The following NF1 variants were observed in gnomAD, a reference collection of about 807,000 sequenced individuals.
NF1 encodes neurofibromin 1.
NF1 carries 122 observed loss-of-function variants against 325.7 expected under a neutral mutation model. The observed-to-expected ratio is 0.37, with a 90% confidence interval of 0.32 to 0.44. NF1 has a LOEUF of 0.44. NF1 is among the 20% of genes least tolerant of loss of function. The probability of loss-of-function intolerance (pLI) is 1.00; values close to 1 mark genes in which losing one functional copy is unlikely to be tolerated. For missense variants in NF1, 2,140 were observed against 3,415.4 expected, an observed-to-expected ratio of 0.63 and a Z score of 9.31; for synonymous variants, 1,091 against 1,186.0, an observed-to-expected ratio of 0.92 and a Z score of 1.65.
At chr17:31,314,280 A>T (rs1448800485) in intron 36 of NF1, 1 of 308,804 alleles carries the variant, frequency 3.2e-6, no homozygotes, top group African/African-American at 2.1e-5. Flanking sequence ...CTCTAGTAAT[A>T]TGATTATGTA....
intron 3 of NF1, among the ~76,000 whole-genome samples, chr17:31,161,846 GC>G (rs1370651499): frequency 4.6e-5 from 7 of 151,874 alleles, no homozygotes. Context: ...GACCAGCCTG[GC>G]CAACATGGCA....
chr17:31,221,862 C>T lies in NF1; in HGVS notation c.1654C>T (p.Leu552Phe), dbSNP rs2144003836. ...AQEAMEALLV[L>F]HQLDSIDLWN... ...TTAAAAAATTCAGGCTCTGCTGGTT[C>T]TTCATCAGTTAGATAGCATTGATTT... Residue 552 changes from leucine to phenylalanine, a missense_variant, in exon 15 of 58, where the codon CTT (leucine) becomes TTT (phenylalanine). Physicochemically the swap from Leu to Phe is conservative, Grantham distance 22. This residue lies in a region of NF1 where 179 missense variants were observed against 381.0 expected (regional missense o/e 0.47). Transcript: ENST00000358273. The T allele has an allele frequency of 6.2e-7, 1 of 1,605,734 alleles. No homozygotes were observed. Among genetic ancestry groups the T allele is most frequent in the Non-Finnish European group, 8.5e-7 (1 of 1,178,616 alleles).
chr17:31,213,435 T>TGAACTA (rs1376976153), intron 12 of NF1, among the ~76,000 whole-genome samples: 1 of 152,202 alleles, frequency 6.6e-6, no homozygotes, highest in East Asian at 1.9e-4. Context: ...TTCATTTGTG[T>TGAACTA]TGTAGATATG....
intron 17 of NF1, among the ~76,000 whole-genome samples, chr17:31,225,536 A>G (rs1319554110): frequency 6.6e-6 from 1 of 152,144 alleles, no homozygotes; most frequent in Non-Finnish European, 1.5e-5. Flanking sequence ...GCTATATCTG[A>G]TAATTATAAT....
chr17:31,346,819 T>C (rs2069998297), intron 48 of NF1, among the ~76,000 whole-genome samples: 1 of 110,222 alleles, frequency 9.1e-6, no homozygotes, highest in African/African-American at 4.6e-5. Flanking sequence ...AGAATTTGGC[T>C]TTTTTTTTTT....
intron 12 of NF1, among the ~76,000 whole-genome samples, chr17:31,210,863 C>A (rs981195269): frequency 1.1e-4 from 16 of 151,938 alleles, no homozygotes; most frequent in African/African-American, 3.9e-4. Flanking sequence ...GAATGTTGAG[C>A]CATAACTTCT....
At chr17:31,366,669 G>C (rs2070528461) in intron 57 of NF1, among the ~76,000 whole-genome samples, 1 of 152,170 alleles carries the variant, frequency 6.6e-6, no homozygotes, top group African/African-American at 2.4e-5. Context: ...TGGGAGGATT[G>C]CTTGAGCCCA....
intron 29 of NF1, among the ~76,000 whole-genome samples, chr17:31,239,037 C>T (rs1486851510): frequency 1.3e-5 from 2 of 152,164 alleles, no homozygotes; most frequent in African/African-American, 2.4e-5. Flanking sequence ...CAAAACATTA[C>T]AATGCATGCT....
In NF1 at chr17:31,163,368, T is replaced by C; in HGVS notation, c.471T>C (p.Ile157=). Residue 157 remains isoleucine (I), a synonymous_variant, in exon 4 of 58, where the codon ATT becomes ATC. Transcript: ENST00000358273. Reference sequence around the variant, plus strand: ...ACTTCAATGCAGTCTTTAGTCGCATTTCTACCAGGTTAGTGTGTAAATCCA... The same window carrying C: ...ACTTCAATGCAGTCTTTAGTCGCATCTCTACCAGGTTAGTGTGTAAATCCA... ...CNNFNAVFSR[I]STRLQELTVC... is the part of the protein sequence containing the mutation. 1 of 1,614,142 alleles carries C rather than the reference T, an allele frequency of 6.2e-7. No individual in the cohort carries two copies. The highest frequency in any genetic ancestry group is 8.5e-7 in the Non-Finnish European group (1 of 1,179,972).
rs2151583362 is a variant in NF1 at position 31,357,334 on chromosome 17, G to A, written c.7935G>A (p.Glu2645=). Reference sequence around the variant, plus strand: ...GAATTCTTTATGAATACTTAGCAGAGGCCAGTGTTGTGTTTCCCAAAGTCT... The same window carrying A: ...GAATTCTTTATGAATACTTAGCAGAAGCCAGTGTTGTGTTTCCCAAAGTCT... The part of the protein sequence containing the change: ...DQRILYEYLA[E]ASVVFPKVFP... Residue 2645 remains glutamate, a synonymous_variant, in exon 54 of 58, where the codon GAG becomes GAA. Transcript: ENST00000358273. 1 of 1,613,910 alleles carries A rather than the reference G, an allele frequency of 6.2e-7. No homozygotes were observed. Among genetic ancestry groups the A allele is most frequent in the Non-Finnish European group, 8.5e-7 (1 of 1,179,872 alleles).
chr17:31,105,712 C>T (rs1456124559), intron 1 of NF1, among the ~76,000 whole-genome samples: 2 of 152,138 alleles, frequency 1.3e-5, no homozygotes, highest in Non-Finnish European at 2.9e-5. Flanking sequence ...CAGGGTTTCA[C>T]CATGTTGGTC....
intron 14 of NF1, among the ~76,000 whole-genome samples, chr17:31,221,564 C>A (rs543511375): frequency 1.3e-5 from 2 of 152,138 alleles, no homozygotes; most frequent in South Asian, 2.1e-4. Flanking sequence ...TTTCTTAAAG[C>A]AGTTTTTACA....
intron 17 of NF1, among the ~76,000 whole-genome samples, 185 bp downstream of exon 17, chr17:31,225,435 A>C (rs1012962078): frequency 3.9e-5 from 6 of 152,066 alleles, no homozygotes; most frequent in Non-Finnish European, 8.8e-5. Context: ...CAGTTCCTCA[A>C]CTTTAAAATG....
At chr17:31,287,370 C>T (rs1237332832) in intron 36 of NF1, among the ~76,000 whole-genome samples, 9 of 152,216 alleles carry the variant, frequency 5.9e-5, no homozygotes. Flanking sequence ...CACATTTAAT[C>T]ACTTGCCCAA....
At chr17:31,198,037 T>C (rs2066465549) in intron 8 of NF1, among the ~76,000 whole-genome samples, 1 of 152,214 alleles carries the variant, frequency 6.6e-6, no homozygotes. Context: ...AAGTGGTTTC[T>C]CTGTATTGAT....
chr17:31,313,288 A>C (rs1270964191), intron 36 of NF1, among the ~76,000 whole-genome samples: 1 of 152,234 alleles, frequency 6.6e-6, no homozygotes, highest in Non-Finnish European at 1.5e-5. Flanking sequence ...TAGAACTTTT[A>C]ACAATTAATA....
At chr17:31,302,737 C>T (rs1167066146) in intron 36 of NF1, among the ~76,000 whole-genome samples, 2 of 151,982 alleles carry the variant, frequency 1.3e-5, no homozygotes, top group Non-Finnish European at 2.9e-5. Context: ...CCCAGCTACT[C>T]AGTAGGCTGA....
intron 5 of NF1, 91 bp downstream of exon 5, chr17:31,170,088 A>G (rs2065906338): frequency 2.5e-6 from 2 of 806,894 alleles, no homozygotes; most frequent in Admixed American, 2.0e-5. Flanking sequence ...GTGCTGAACT[A>G]GAACACCAAA....
At chr17:31,189,428 T>G (rs2066301056) in intron 8 of NF1, among the ~76,000 whole-genome samples, 1 of 152,170 alleles carries the variant, frequency 6.6e-6, no homozygotes, top group Non-Finnish European at 1.5e-5. Context: ...AGTGTAAAAT[T>G]CAGCGATTTT....
Sources: gnomAD v4.1 joint callset for allele counts (sites outside exome capture counted in the v4.1 genomes callset) on GRCh38, gnomAD v4.1.1 for gene constraint, gnomAD v4.1.1 regional missense constraint, MANE v1.5 for transcripts, NCBI Gene and HGNC (gene_info 2026-07-23, HGNC 2026-07-21) for gene names.